TPX2: variants seen among roughly 807,000 people sequenced by gnomAD.
TPX2 encodes targeting protein for Xklp2.
Under a neutral mutation model 93.6 loss-of-function variants are expected in TPX2, and 21 were observed. The ratio of observed to expected loss-of-function variants is 0.22; its 90% CI spans 0.16 to 0.32. The LOEUF (loss-of-function observed/expected upper bound fraction) is 0.32, where lower values mean the gene tolerates loss of function less well. Among genes scored for constraint, TPX2 ranks in the 10% least tolerant of loss-of-function variants. The probability of loss-of-function intolerance (pLI) is 1.00; values close to 1 mark genes in which losing one functional copy is unlikely to be tolerated. For missense variants in TPX2, 776 were observed against 871.1 expected, an observed-to-expected ratio of 0.89 and a Z score of 1.37; for synonymous variants, 281 against 298.3, an observed-to-expected ratio of 0.94 and a Z score of 0.60.
chr20:31,775,721 T>G (rs1843003048), intron 7 of TPX2, 146 bp from the exon 8 acceptor site: 1 of 739,410 alleles, frequency 1.4e-6, no homozygotes, highest in Non-Finnish European at 1.9e-6. Context: ...CTAATTAAGT[T>G]AGCATCTATT....
At chr20:31,771,091 G>A (rs6089067) in intron 6 of TPX2, among the ~76,000 whole-genome samples, 1 of 151,784 alleles carries the variant, frequency 6.6e-6, no homozygotes, top group Non-Finnish European at 1.5e-5. Context: ...TAAGTCTTTC[G>A]CAGCAACCCT....
chr20:31,750,603 T>C (rs2061813794), intron 2 of TPX2, among the ~76,000 whole-genome samples: 1 of 151,956 alleles, frequency 6.6e-6, no homozygotes, highest in South Asian at 2.1e-4. Flanking sequence ...GTAGCTGGGA[T>C]TACAGGCATG....
At chr20:31,753,586 G>A (rs537900898) in intron 2 of TPX2, among the ~76,000 whole-genome samples, 2 of 152,052 alleles carry the variant, frequency 1.3e-5, no homozygotes, top group African/African-American at 2.4e-5. Context: ...AAAATATCAT[G>A]TTTCTACACT....
At chr20:31,766,500 A>G (rs1245841908) in intron 4 of TPX2, 56 bp from the exon 5 acceptor site, 61 of 1,343,260 alleles carry the variant, frequency 4.5e-5, no homozygotes, top group Admixed American at 5.9e-5. Flanking sequence ...TGTGTGTCTC[A>G]TCTCCAATTA....
At chr20:31,751,446 C>T (rs1368744494) in intron 2 of TPX2, among the ~76,000 whole-genome samples, 3 of 152,072 alleles carry the variant, frequency 2.0e-5, no homozygotes, top group African/African-American at 7.2e-5. Context: ...CTCCTTGCAG[C>T]AAGGGGTTTT....
intron 7 of TPX2, among the ~76,000 whole-genome samples, chr20:31,775,146 A>G (rs905100125): frequency 3.3e-5 from 5 of 151,734 alleles, no homozygotes; most frequent in African/African-American, 1.2e-4. Context: ...TTTTAGTAAG[A>G]TGGGGTTTCA....
chr20:31,752,979 A>G (rs1355863670), intron 2 of TPX2, among the ~76,000 whole-genome samples: 16 of 152,166 alleles, frequency 1.1e-4, no homozygotes, highest in Non-Finnish European at 1.5e-5. Flanking sequence ...GAAACATTCA[A>G]GGGCACACAG....
At chr20:31,750,768 G>A (rs1325611875) in intron 2 of TPX2, among the ~76,000 whole-genome samples, 1 of 152,258 alleles carries the variant, frequency 6.6e-6, no homozygotes, top group East Asian at 1.9e-4. Context: ...AAATGGGAAG[G>A]ATTATTTCCT....
rs781661858 is a variant in TPX2 at position 31,771,579 on chromosome 20, C to T, written c.505C>T (p.Pro169Ser). The change falls in exon 7 of 18, where the codon CCA (proline) becomes TCA (serine). Residue 169 changes from proline to serine, a missense_variant. Around this residue, in one of 3 missense-constraint regions of TPX2, gnomAD observed 279 missense variants for 261.6 expected, o/e 1.07. Coordinates refer to ENST00000300403, the MANE Select transcript of TPX2 (RefSeq NM_012112.5). ...CTCAAGTTCTAACAACAAAAAGAAG[C>T]CAGAGGAAGAAGGCAGTGCTCATCA... ...KMKVSNNKKK[P>S]EEEGSAHQDT... The T allele has an allele frequency of 6.8e-6, 11 of 1,610,684 alleles. 1 individual carries two copies. In the Middle Eastern group the frequency reaches 5.0e-4, roughly 73 times the overall value.
At chr20:31,769,594 G>A (rs1336029550) in intron 5 of TPX2, among the ~76,000 whole-genome samples, 2 of 152,116 alleles carry the variant, frequency 1.3e-5, no homozygotes, top group Non-Finnish European at 2.9e-5. Context: ...AAAGTGCTGG[G>A]ATTACAGGCG....
chr20:31,757,185 G>A (rs1259169484), intron 2 of TPX2, among the ~76,000 whole-genome samples: 1 of 152,080 alleles, frequency 6.6e-6, no homozygotes. Context: ...TGGGATTACA[G>A]ACGTGAGCCA....
At chr20:31,792,227 T>C (rs1036998925) in intron 12 of TPX2, among the ~76,000 whole-genome samples, 4 of 151,794 alleles carry the variant, frequency 2.6e-5, no homozygotes, top group African/African-American at 7.2e-5. Flanking sequence ...GGCAAAGTGG[T>C]GCGCGCTTGT....
chr20:31,766,493 G>C (rs922934431), intron 4 of TPX2, 63 bp from the exon 5 acceptor site: 7 of 1,447,050 alleles, frequency 4.8e-6, no homozygotes, highest in Non-Finnish European at 6.7e-6. Context: ...GTGTGTGTGT[G>C]TGTCTCATCT....
chr20:31,745,731 A>G (rs537456617), intron 2 of TPX2, among the ~76,000 whole-genome samples: 22 of 152,344 alleles, frequency 1.4e-4, no homozygotes, highest in Admixed American at 6.5e-4. Context: ...CTATTTGACT[A>G]GGATTGTAAT....
chr20:31,787,990 G>T (rs1356268727), intron 12 of TPX2, among the ~76,000 whole-genome samples: 1 of 152,146 alleles, frequency 6.6e-6, no homozygotes, highest in Non-Finnish European at 1.5e-5. Flanking sequence ...TTGAATGGGA[G>T]GCAGGTTTGC....
At chr20:31,754,403 T>C (rs1414732503) in intron 2 of TPX2, among the ~76,000 whole-genome samples, 2 of 152,154 alleles carry the variant, frequency 1.3e-5, no homozygotes, top group Non-Finnish European at 2.9e-5. Context: ...TGAATTGCCC[T>C]AGTCCACTGA....
intron 6 of TPX2, among the ~76,000 whole-genome samples, chr20:31,770,766 T>C (rs754007724): frequency 6.6e-6 from 1 of 152,220 alleles, no homozygotes; most frequent in Non-Finnish European, 1.5e-5. Flanking sequence ...TTTATATTTT[T>C]ATTAGTTAAG....
At chr20:31,752,372 AC>A (rs1296003797) in intron 2 of TPX2, among the ~76,000 whole-genome samples, 4 of 152,148 alleles carry the variant, frequency 2.6e-5, no homozygotes, top group Non-Finnish European at 5.9e-5. Context: ...TCCCATGGCT[AC>A]CCCAAGCTTG....
At chr20:31,742,322 C>T (rs1333533477) in intron 1 of TPX2, among the ~76,000 whole-genome samples, 6 of 151,756 alleles carry the variant, frequency 4.0e-5, no homozygotes, top group Non-Finnish European at 8.8e-5. Context: ...GGATTGCAGG[C>T]GTGCACCACC....
Sources: allele counts gnomAD v4.1 joint callset (sites outside exome capture counted in the v4.1 genomes callset), GRCh38; gene constraint gnomAD v4.1.1; regional missense constraint gnomAD v4.1.1; transcripts MANE v1.5; gene names NCBI Gene and HGNC (gene_info 2026-07-23, HGNC 2026-07-21).